PFKFB2: variants seen among roughly 807,000 people sequenced by gnomAD.
The protein encoded by PFKFB2 is 6-phosphofructo-2-kinase/fructose-2,6-bisphosphatase 2.
Under a neutral mutation model 68.0 loss-of-function variants are expected in PFKFB2, and 53 were observed. The ratio of observed to expected loss-of-function variants is 0.78; its 90% CI spans 0.63 to 0.98. The LOEUF (loss-of-function observed/expected upper bound fraction) is 0.98. Ranked by LOEUF, PFKFB2 falls within the 50% of genes least tolerant of loss-of-function variation. The pLI is 0.00. For synonymous variants in PFKFB2, 222 were observed against 227.6 expected, an observed-to-expected ratio of 0.98 and a Z score of 0.22; for missense variants, 451 against 642.0, an observed-to-expected ratio of 0.70 and a Z score of 3.22.
chr1:207,049,390 G>A (rs1682678438), upstream of PFKFB2: 2 of 1,613,926 alleles, frequency 1.2e-6, no homozygotes, highest in East Asian at 2.2e-5. Flanking sequence ...GGACAAAATC[G>A]ATATCTCTAT....
intron 2 of PFKFB2, among the ~76,000 whole-genome samples, chr1:207,061,321 G>A (rs1683111485): frequency 6.7e-6 from 1 of 149,614 alleles, no homozygotes; most frequent in Admixed American, 6.7e-5. Flanking sequence ...TGTCATGTCT[G>A]GCTGCAGCAT....
In PFKFB2 at chr1:207,069,544, C is replaced by G; in HGVS notation, c.1092+16C>G. On this transcript the variant is annotated intron_variant, in intron 11 of 14. Coordinates refer to ENST00000367080, the MANE Select transcript of PFKFB2 (RefSeq NM_006212.2). The stretch of plus-strand genomic sequence containing the variant: ...TGGTGGGGAGGTAAGACGCCCCTGT[C>G]ATGTAAAGTGACTGCCTAGACCCTT... 2 of 1,500,296 alleles carry G rather than the reference C, an allele frequency of 1.3e-6. No homozygotes were observed. Among genetic ancestry groups the G allele is most frequent in the Non-Finnish European group, 1.9e-6 (2 of 1,076,454 alleles). 92.9% of individuals were successfully genotyped at this position (1,500,296 alleles called of 1,614,324 possible).
intron 14 of PFKFB2, 123 bp downstream of exon 14, chr1:207,071,696 C>T (rs879082049): frequency 1.4e-6 from 1 of 717,462 alleles, no homozygotes; most frequent in South Asian, 1.7e-5. Flanking sequence ...AACTTACGTC[C>T]AAATGTAGTT....
At chr1:207,069,682 G>A (rs375579974) in intron 11 of PFKFB2, among the ~76,000 whole-genome samples, 154 bp downstream of exon 11, 7 of 152,194 alleles carry the variant, frequency 4.6e-5, no homozygotes, top group African/African-American at 1.7e-4. Flanking sequence ...TTAGACAATC[G>A]AATGCCTCAT....
upstream of PFKFB2, chr1:207,051,088 A>G: frequency 6.9e-7 from 1 of 1,444,896 alleles, no homozygotes; most frequent in Non-Finnish European, 9.1e-7. Flanking sequence ...CTTCTGCCTT[A>G]GTACCTTAGC....
rs759484319 is a variant in PFKFB2 at position 207,063,865 on chromosome 1, C to T, written c.507+36C>T. ...CCCCTACATATCATCTCCTCTTCAC[C>T]TTTTGTGCTGTGTGTGTTGTGGGGT... On this transcript the variant is annotated intron_variant, in intron 7 of 14. Transcript: ENST00000367080. The surrounding 1 kb of genome is among the most constrained non-coding windows in gnomAD (Gnocchi z 4.1). The T allele has an allele frequency of 1.2e-5, 16 of 1,334,160 alleles. No homozygotes were observed. Among genetic ancestry groups the T allele is most frequent in the Middle Eastern group, 1.9e-4 (1 of 5,348 alleles). 82.6% of individuals were successfully genotyped at this position (1,334,160 alleles called of 1,614,324 possible). A position where few individuals can be genotyped will look rare whatever the true frequency, so the allele number is the denominator to read the frequency against.
At chr1:207,062,899 C>G (rs887065277) in intron 4 of PFKFB2, among the ~76,000 whole-genome samples, 183 bp downstream of exon 4, 4 of 152,098 alleles carry the variant, frequency 2.6e-5, no homozygotes, top group Admixed American at 1.3e-4. Flanking sequence ...GTGATTGATA[C>G]CTGTGTGCTT....
intron 1 of PFKFB2, among the ~76,000 whole-genome samples, chr1:207,054,354 G>T (rs1682853197): frequency 6.6e-6 from 1 of 152,110 alleles, no homozygotes; most frequent in African/African-American, 2.4e-5. Flanking sequence ...CCTTGAGCAG[G>T]ACACTTAATT....
chr1:207,062,464 A>G (rs1683147201), intron 3 of PFKFB2, 156 bp from the exon 4 acceptor site: 3 of 1,201,500 alleles, frequency 2.5e-6, no homozygotes, highest in South Asian at 3.0e-5. Context: ...GCTTGAACCC[A>G]ACTCTTTTGA....
At position 207,063,889 on chromosome 1, in the gene PFKFB2, G is replaced by A. The variant is rs1683199035; in HGVS notation, c.507+60G>A. 1.8e-5 allele frequency: 6 copies of A among 336,202 alleles called. No individual in the cohort carries two copies. The South Asian group carries it at 2.3e-4, about 13-fold the overall frequency. 20.8% of individuals were successfully genotyped at this position (336,202 alleles called of 1,614,324 possible). A position where few individuals can be genotyped will look rare whatever the true frequency, so the allele number is the denominator to read the frequency against. ...CCTTTTGTGCTGTGTGTGTTGTGGG[G>A]TGTGTGTGTGTGTGTGTGTGTGTGT... On this transcript the variant is annotated intron_variant, in intron 7 of 14. Transcript: ENST00000367080. The surrounding 1 kb of genome is among the most constrained non-coding windows in gnomAD (Gnocchi z 4.1).
At chr1:207,061,742 C>T (rs1683122620) in intron 2 of PFKFB2, among the ~76,000 whole-genome samples, 2 of 152,206 alleles carry the variant, frequency 1.3e-5, no homozygotes, top group African/African-American at 4.8e-5. Context: ...ATTAGCTGGG[C>T]ATGGTGGAGG....
In PFKFB2 at chr1:207,076,536, C is replaced by T; in HGVS notation, c.*4165C>T. 1.0e-6 allele frequency: 1 copy of T among 985,250 alleles called. No homozygotes were observed. Among genetic ancestry groups the T allele is most frequent in the African/African-American group, 1.7e-5 (1 of 57,302 alleles). 61.0% of individuals were successfully genotyped at this position (985,250 alleles called of 1,614,324 possible). ...CACTGGTGGGGTAGAATCGACTTTCCCTGAAGGTGACACAGATGTCAGAAT... is the reference window on the plus strand; with the variant it reads ...CACTGGTGGGGTAGAATCGACTTTCTCTGAAGGTGACACAGATGTCAGAAT... On this transcript the variant is annotated 3_prime_UTR_variant, in exon 15 of 15. Transcript: ENST00000367080.
chr1:207,069,225 G>A (rs1234194771), intron 10 of PFKFB2, among the ~76,000 whole-genome samples, 199 bp from the exon 11 acceptor site: 6 of 152,062 alleles, frequency 3.9e-5, no homozygotes, highest in South Asian at 4.1e-4. Context: ...GCCTCTTTCC[G>A]GCAGTGGTCC....
Position 207,070,429 on chromosome 1 carries a change from T to C in PFKFB2, c.1222+20T>C. 6.2e-7 allele frequency: 1 copy of C among 1,611,984 alleles called. No individual in the cohort carries two copies. Among genetic ancestry groups the C allele is most frequent in the Non-Finnish European group, 8.5e-7 (1 of 1,178,858 alleles). On this transcript the variant is annotated intron_variant, in intron 12 of 14. Coordinates refer to ENST00000367080, the MANE Select transcript of PFKFB2 (RefSeq NM_006212.2). The surrounding 1 kb of genome is among the most constrained non-coding windows in gnomAD (Gnocchi z 4.2). Reference sequence around the variant, plus strand: ...GCGCAGGTGCCTTTGAGGGAGGGGCTGGGAGACACATCCAGTGGGAGAGGG... The same window carrying C: ...GCGCAGGTGCCTTTGAGGGAGGGGCCGGGAGACACATCCAGTGGGAGAGGG...
At position 207,062,670 on chromosome 1, in the gene PFKFB2, TACG is replaced by T; in HGVS notation, c.265_267del (p.Asp89del). 1 of 1,614,226 alleles carries T rather than the reference TACG, an allele frequency of 6.2e-7. No homozygotes were observed. Among genetic ancestry groups the T allele is most frequent in the Non-Finnish European group, 8.5e-7 (1 of 1,180,026 alleles). ...TGAAGCAGTCAAGTCCTATAAGTCC[TACG>T]ACTTCTTTCGGCATGACAATGAGGA... On this transcript the variant is annotated inframe_deletion, in exon 4 of 15. Coordinates refer to ENST00000367080, the MANE Select transcript of PFKFB2 (RefSeq NM_006212.2).
chr1:207,052,283 C>A (rs745552425), upstream of PFKFB2: 1 of 1,537,772 alleles, frequency 6.5e-7, no homozygotes, highest in Admixed American at 1.7e-5. Flanking sequence ...GTGCAATTTT[C>A]CTCCTTGGTT....
At chr1:207,064,953 C>CT in intron 7 of PFKFB2, 83 bp from the exon 8 acceptor site, 75 of 1,475,700 alleles carry the variant, frequency 5.1e-5, no homozygotes, top group Middle Eastern at 2.1e-4. Flanking sequence ...ACTTCTTTTT[C>CT]TTTTTTTTAG....
chr1:207,059,282 G>C (rs2842749), intron 2 of PFKFB2, among the ~76,000 whole-genome samples: 1 of 152,184 alleles, frequency 6.6e-6, no homozygotes, highest in Non-Finnish European at 1.5e-5. Context: ...ACTTTAGGGA[G>C]GGTAATAGGA....
intron 1 of PFKFB2, among the ~76,000 whole-genome samples, chr1:207,038,891 C>T (rs1031369846): frequency 6.6e-6 from 1 of 152,180 alleles, no homozygotes; most frequent in Non-Finnish European, 1.5e-5. Flanking sequence ...CCTGGTATGA[C>T]ATTAGCATTC....
Sources: gnomAD v4.1 joint callset for allele counts (sites outside exome capture counted in the v4.1 genomes callset) on GRCh38, gnomAD v4.1.1 for gene constraint, Gnocchi (gnomAD v3.1) non-coding constraint, MANE v1.5 for transcripts, NCBI Gene and HGNC (gene_info 2026-07-23, HGNC 2026-07-21) for gene names.